KIF9: variants seen among roughly 807,000 people sequenced by gnomAD.
KIF9 encodes the protein kinesin-like protein KIF9.
A neutral mutation model predicts 94.8 loss-of-function variants in KIF9; 68 were observed. That is an observed-to-expected ratio of 0.72 (90% confidence interval 0.59 to 0.88). The LOEUF (loss-of-function observed/expected upper bound fraction) is 0.88. KIF9 is among the 40% of genes least tolerant of loss of function. KIF9 has a pLI of 0.00. For synonymous variants in KIF9, 343 were observed against 362.1 expected, an observed-to-expected ratio of 0.95 and a Z score of 0.60; for missense variants, 882 against 982.5, an observed-to-expected ratio of 0.90 and a Z score of 1.37.
intron 2 of KIF9, among the ~76,000 whole-genome samples, 157 bp from the exon 3 acceptor site, chr3:47,275,647 T>A (rs1701919191): frequency 6.6e-6 from 1 of 152,150 alleles, no homozygotes. Flanking sequence ...CCAGATGAAT[T>A]CTTTGGGATG....
intron 17 of KIF9, among the ~76,000 whole-genome samples, chr3:47,238,012 AC>A (rs1699163832): frequency 2.6e-5 from 4 of 152,222 alleles, no homozygotes; most frequent in African/African-American, 9.6e-5. Context: ...CTTTTGTTCT[AC>A]CCAGAGGATC....
rs558284351 is a variant in KIF9, at chr3:47,235,134, A to G, written c.2322+379T>C. On this transcript the variant is annotated intron_variant, in intron 20 of 20. Coordinates refer to ENST00000684063, the MANE Select transcript of KIF9 (RefSeq NM_182902.4). ...AGGAGGAGAGTACCCCACCCACTCTATAGCTAACGCCATGTCTAGCTATGC... is the reference window on the plus strand; with the variant it reads ...AGGAGGAGAGTACCCCACCCACTCTGTAGCTAACGCCATGTCTAGCTATGC... Among the ~76,000 whole-genome samples, 5 of 152,286 alleles carry G rather than the reference A, an allele frequency of 3.3e-5. No homozygotes were observed. The South Asian group carries it at 1.0e-3, about 32-fold the overall frequency.
intron 13 of KIF9, chr3:47,245,830 C>T: frequency 2.1e-6 from 1 of 476,352 alleles, no homozygotes; most frequent in Non-Finnish European, 3.8e-6. Flanking sequence ...TCTAAGAGGC[C>T]ACTTGGAATC....
chr3:47,246,323 T>C (rs1575977634), intron 12 of KIF9, 71 bp from the exon 13 acceptor site: 1 of 1,330,476 alleles, frequency 7.5e-7, no homozygotes, highest in Non-Finnish European at 1.1e-6. Flanking sequence ...TCTATGTTAG[T>C]AGAGAAATCA....
intron 12 of KIF9, 140 bp from the exon 13 acceptor site, chr3:47,246,392 C>CTCT: frequency 2.0e-6 from 1 of 493,472 alleles, no homozygotes; most frequent in Non-Finnish European, 3.5e-6. Flanking sequence ...TGCACACAGC[C>CTCT]TCTCAGCGAA....
intron 16 of KIF9, among the ~76,000 whole-genome samples, chr3:47,241,685 GCA>G (rs1699506488): frequency 1.4e-5 from 2 of 147,488 alleles, no homozygotes; most frequent in East Asian, 4.0e-4. Context: ...ATACATATAT[GCA>G]TATATACATA....
Position 47,275,231 on chromosome 3 carries a change from T to C in KIF9, c.259+94A>G, listed in dbSNP as rs1247208007. 4.5e-5 allele frequency: 42 copies of C among 943,554 alleles called. No individual in the cohort carries two copies. The East Asian group carries it at 9.5e-4, about 21-fold the overall frequency. 58.4% of individuals were successfully genotyped at this position (943,554 alleles called of 1,614,324 possible). A position where few individuals can be genotyped will look rare whatever the true frequency, so the allele number is the denominator to read the frequency against. The stretch of plus-strand genomic sequence containing the variant: ...TGGAGACAGACAAACATACAAATGA[T>C]AGTGAGTGAGCTTTTATTTTATTCA... On this transcript the variant is annotated intron_variant, in intron 3 of 20. Coordinates refer to ENST00000684063, the MANE Select transcript of KIF9 (RefSeq NM_182902.4).
At chr3:47,276,053 G>A (rs924619444) in intron 2 of KIF9, among the ~76,000 whole-genome samples, 2 of 152,180 alleles carry the variant, frequency 1.3e-5, no homozygotes, top group Non-Finnish European at 2.9e-5. Context: ...AGTAAATTGA[G>A]GGTGTCATCA....
intron 4 of KIF9, 127 bp downstream of exon 4, chr3:47,273,425 C>G: frequency 1.5e-6 from 1 of 659,866 alleles, no homozygotes; most frequent in Middle Eastern, 4.3e-4. Context: ...GTCTCCAGTA[C>G]CAGTATCCAC....
chr3:47,263,083 G>A (rs963790861), intron 9 of KIF9, among the ~76,000 whole-genome samples: 1 of 152,110 alleles, frequency 6.6e-6, no homozygotes, highest in East Asian at 1.9e-4. Context: ...ATTTTTAGTA[G>A]ATAGGGTTTC....
intron 14 of KIF9, 46 bp from the exon 15 acceptor site, chr3:47,244,970 T>C (rs1239587659): frequency 1.9e-6 from 3 of 1,607,056 alleles, no homozygotes; most frequent in Non-Finnish European, 2.6e-6. Context: ...GATTAAGGGC[T>C]TGGACCCCTT....
chr3:47,236,982 A>G (rs1166071218), intron 17 of KIF9, among the ~76,000 whole-genome samples: 3 of 152,274 alleles, frequency 2.0e-5, no homozygotes, highest in African/African-American at 7.2e-5. Flanking sequence ...TGTAAATTAC[A>G]TCTACAAACT....
At chr3:47,232,742 G>T (rs969595799) in intron 20 of KIF9, among the ~76,000 whole-genome samples, 3 of 151,860 alleles carry the variant, frequency 2.0e-5, no homozygotes, top group Non-Finnish European at 4.4e-5. Context: ...CAGCACTTTG[G>T]GAGGCCGAGG....
chr3:47,247,376 G>A lies in KIF9; in HGVS notation c.1230C>T (p.Ile410=), dbSNP rs779698641. ...RRYLEGTLDE[I]DIISLRQIKE... ...TGGTCACAGAGGGGTTCCTTACGTC[G>A]ATCTCGTCCAGTGTCCCCTCCAGGT... Residue 410 remains isoleucine (I), a synonymous_variant, in exon 12 of 21, where the codon ATC becomes ATT. Transcript: ENST00000684063. The A allele has an allele frequency of 1.9e-5, 31 of 1,609,990 alleles. No homozygotes were observed. In the South Asian group the frequency reaches 2.4e-4, roughly 13 times the overall value.
In KIF9 at chr3:47,277,378, A is replaced by C. The variant is rs976411375; in HGVS notation, c.-4T>G. On this transcript the variant is annotated splice_region_variant and 5_prime_UTR_variant, in exon 2 of 21. The change abolishes the stop of an existing upstream ORF in the 5' untranslated region. Transcript: ENST00000684063. ...GAACTTTTTTCCTAGTACCCATTCT[A>C]GCTAAAAAGAAGGGAACAATGAAAT... is the stretch of plus-strand genomic sequence containing the variant. The C allele has an allele frequency of 2.5e-6, 4 of 1,608,576 alleles. No individual in the cohort carries two copies. Among genetic ancestry groups the C allele is most frequent in the Non-Finnish European group, 3.4e-6 (4 of 1,175,426 alleles).
At chr3:47,245,708 C>G (rs184718628) in intron 13 of KIF9, 197 bp from the exon 14 acceptor site, 1 of 586,724 alleles carries the variant, frequency 1.7e-6, no homozygotes, top group Admixed American at 3.0e-5. Context: ...ACTGTCCGAC[C>G]CCCATACCCA....
chr3:47,232,521 G>A (rs1484639451), intron 20 of KIF9, among the ~76,000 whole-genome samples: 1 of 151,752 alleles, frequency 6.6e-6, no homozygotes, highest in African/African-American at 2.4e-5. Flanking sequence ...CCGACCTTAG[G>A]TGATCCACTC....
At chr3:47,241,131 A>C in intron 16 of KIF9, 116 bp from the exon 17 acceptor site, 1 of 822,948 alleles carries the variant, frequency 1.2e-6, no homozygotes. Flanking sequence ...AGTGCTAGGC[A>C]CCACCTACCC....
intron 2 of KIF9, among the ~76,000 whole-genome samples, chr3:47,276,204 A>G (rs1370700275): frequency 6.6e-6 from 1 of 152,170 alleles, no homozygotes; most frequent in African/African-American, 2.4e-5. Context: ...GAAATCTTAC[A>G]CTGACTGCCC....
Sources: gnomAD v4.1 joint callset for allele counts (sites outside exome capture counted in the v4.1 genomes callset) on GRCh38, gnomAD v4.1.1 for gene constraint, MANE v1.5 for transcripts, NCBI Gene and HGNC (gene_info 2026-07-23, HGNC 2026-07-21) for gene names.